Variants in CPLX2 observed in about 807,000 individuals in gnomAD.
CPLX2 encodes the protein complexin 2.
A neutral mutation model predicts 16.3 loss-of-function variants in CPLX2; 5 were observed. The ratio of observed to expected loss-of-function variants is 0.31; its 90% CI spans 0.16 to 0.64. The LOEUF (loss-of-function observed/expected upper bound fraction) is 0.64. Among genes scored for constraint, CPLX2 ranks in the 30% least tolerant of loss-of-function variants. CPLX2 has a pLI of 0.79. For synonymous variants in CPLX2, 89 were observed against 73.2 expected, an observed-to-expected ratio of 1.22 and a Z score of -1.10; for missense variants, 144 against 181.4, an observed-to-expected ratio of 0.79 and a Z score of 1.18.
upstream of CPLX2, among the ~76,000 whole-genome samples, chr5:175,869,988 G>T (rs1403387958): frequency 6.6e-6 from 1 of 152,284 alleles, no homozygotes; most frequent in South Asian, 2.1e-4. Context: ...AAGAGGGGAC[G>T]GGGAGGACTG....
Position 175,857,028 on chromosome 5 carries a change from T to C in CPLX2, c.-88-21624T>C, listed in dbSNP as rs548541704. On this transcript the variant is annotated intron_variant, in intron 2 of 4. Coordinates refer to the CPLX2 transcript ENST00000359546. ...ACTGAAGAACTGAACTAGGGACTCA[T>C]GACAGATTCTACCTGCTTATTAAAA... is the stretch of plus-strand genomic sequence containing the variant. 8.9e-4 allele frequency among the ~76,000 whole-genome samples: 135 copies of C among 152,314 alleles called. 1 individual carries two copies. Among genetic ancestry groups the C allele is most frequent in the Non-Finnish European group, 1.4e-3 (94 of 68,026 alleles).
rs542333851 is a variant in CPLX2, at chr5:175,842,555, G to A, written c.-89+33487G>A. Among the ~76,000 whole-genome samples, 265 of 152,334 alleles carry A rather than the reference G, an allele frequency of 1.7e-3. 3 individuals are homozygous for A. The highest frequency in any genetic ancestry group is 1.4e-3 in the Non-Finnish European group (92 of 68,018). ...GTTCACTGGGAAGACACATGGTACC[G>A]TGGTGACCCACATCACCATCTCTGC... On this transcript the variant is annotated intron_variant, in intron 2 of 4. Coordinates refer to the CPLX2 transcript ENST00000359546.
chr5:175,829,872 G>A (rs546779023), intron 2 of CPLX2, among the ~76,000 whole-genome samples: 75 of 152,332 alleles, frequency 4.9e-4, no homozygotes, highest in Non-Finnish European at 8.8e-5. Context: ...TGGGGCCACA[G>A]AATTCACAAG....
intron 2 of CPLX2, among the ~76,000 whole-genome samples, chr5:175,854,531 C>T (rs1290429680): frequency 6.6e-6 from 1 of 152,170 alleles, no homozygotes; most frequent in Non-Finnish European, 1.5e-5. Context: ...GGAAGCTATG[C>T]ATGTCAAAGC....
intron 1 of CPLX2, among the ~76,000 whole-genome samples, chr5:175,808,012 T>TA (rs1758243122): frequency 6.6e-6 from 1 of 152,086 alleles, no homozygotes; most frequent in Non-Finnish European, 1.5e-5. Context: ...GGGCTATCGT[T>TA]ACTAAAAGAA....
At chr5:175,867,394 A>G (rs1425253114), upstream of CPLX2, among the ~76,000 whole-genome samples, 1 of 152,098 alleles carries the variant, frequency 6.6e-6, no homozygotes, top group Non-Finnish European at 1.5e-5. Flanking sequence ...GTAACACCCT[A>G]TCACCTGGGG....
At chr5:175,851,849 A>G (rs117730051) in intron 2 of CPLX2, among the ~76,000 whole-genome samples, 2 of 152,330 alleles carry the variant, frequency 1.3e-5, no homozygotes, top group South Asian at 2.1e-4. Flanking sequence ...CTTGAGTGTG[A>G]GGATCCGTGG....
chr5:175,801,794 A>G (rs1364012516), intron 1 of CPLX2, among the ~76,000 whole-genome samples: 2 of 152,246 alleles, frequency 1.3e-5, no homozygotes, highest in Admixed American at 6.5e-5. Flanking sequence ...CCGGGAGCAC[A>G]TGCCAAGAAG....
At chr5:175,813,523 C>T (rs553459678) in intron 2 of CPLX2, among the ~76,000 whole-genome samples, 2 of 152,334 alleles carry the variant, frequency 1.3e-5, no homozygotes, top group Admixed American at 6.5e-5. Context: ...CTTCCTGGGA[C>T]AAAGTAGGGG....
At chr5:175,802,283 T>C (rs7727183) in intron 1 of CPLX2, among the ~76,000 whole-genome samples, 122,841 of 152,008 alleles carry the variant, frequency 0.81, 49,734 homozygotes, top group East Asian at 0.86. Context: ...AATCCTAGGT[T>C]CTCCTGTGAT....
intron 2 of CPLX2, among the ~76,000 whole-genome samples, chr5:175,854,596 T>A (rs1315525075): frequency 1.3e-5 from 2 of 152,186 alleles, no homozygotes; most frequent in Non-Finnish European, 2.9e-5. Context: ...ACTATTTGTA[T>A]TATTATTACT....
chr5:175,872,693 T>G lies in CPLX2; in HGVS notation c.-89+988T>G, dbSNP rs1006950478. 6.6e-6 allele frequency: 1 copy of G among 151,558 alleles called. No individual in the cohort carries two copies. The highest frequency in any genetic ancestry group is 1.5e-5 in the Non-Finnish European group (1 of 67,688). 9.4% of individuals were successfully genotyped at this position (151,558 alleles called of 1,614,324 possible). On this transcript the variant is annotated intron_variant, in intron 1 of 3. Transcript: ENST00000393745. This position sits in a 1 kb window ranked among gnomAD's most constrained non-coding sequence, Gnocchi z 5.0. ...GCGTCTCCCATCCCGGGCCACGGGGTGGGGACGGGGCGGGGGGAGGGGGTG... is the reference window on the plus strand; with the variant it reads ...GCGTCTCCCATCCCGGGCCACGGGGGGGGGACGGGGCGGGGGGAGGGGGTG...
upstream of CPLX2, among the ~76,000 whole-genome samples, chr5:175,866,916 T>TA (rs1201339940): frequency 2.7e-5 from 4 of 150,802 alleles, no homozygotes; most frequent in Non-Finnish European, 5.9e-5. Flanking sequence ...CCACAGAAAA[T>TA]AAAAAAAATA....
At chr5:175,807,874 C>T (rs372602051) in intron 1 of CPLX2, among the ~76,000 whole-genome samples, 1 of 152,262 alleles carries the variant, frequency 6.6e-6, no homozygotes, top group East Asian at 1.9e-4. Flanking sequence ...TGGGCTGATC[C>T]CTGTGGGAAT....
chr5:175,843,022 C>T (rs577420080), intron 2 of CPLX2, among the ~76,000 whole-genome samples: 3 of 152,186 alleles, frequency 2.0e-5, no homozygotes, highest in African/African-American at 7.2e-5. Context: ...GCTCATCCCC[C>T]CAGGCTGAGC....
intron 2 of CPLX2, among the ~76,000 whole-genome samples, chr5:175,836,479 G>A (rs1758844133): frequency 6.6e-6 from 1 of 152,222 alleles, no homozygotes; most frequent in African/African-American, 2.4e-5. Context: ...AGTCCACAGG[G>A]AGCCAGCTGC....
upstream of CPLX2, among the ~76,000 whole-genome samples, chr5:175,868,585 C>T (rs758503714): frequency 2.0e-5 from 3 of 152,174 alleles, no homozygotes; most frequent in Non-Finnish European, 4.4e-5. Flanking sequence ...CGGCAAGAAC[C>T]TGCGGCTGGG....
chr5:175,836,089 G>A (rs967358487), intron 2 of CPLX2, among the ~76,000 whole-genome samples: 39 of 152,130 alleles, frequency 2.6e-4, no homozygotes, highest in Admixed American at 5.2e-4. Flanking sequence ...GGTGGCTCAC[G>A]CCTGTAATTC....
At chr5:175,826,525 C>T (rs1476804168) in intron 2 of CPLX2, among the ~76,000 whole-genome samples, 1 of 152,132 alleles carries the variant, frequency 6.6e-6, no homozygotes, top group Non-Finnish European at 1.5e-5. Flanking sequence ...CAAGCAAAAG[C>T]GATAGGCCAG....
Sources: gnomAD v4.1 joint callset for allele counts (sites outside exome capture counted in the v4.1 genomes callset) on GRCh38, gnomAD v4.1.1 for gene constraint, Gnocchi (gnomAD v3.1) non-coding constraint, MANE v1.5 for transcripts, NCBI Gene and HGNC (gene_info 2026-07-23, HGNC 2026-07-21) for gene names.